Variants in WWOX observed in about 807,000 individuals in gnomAD.
WWOX encodes the protein WW domain-containing oxidoreductase.
Under a neutral mutation model 46.2 loss-of-function variants are expected in WWOX, and 69 were observed. That is an observed-to-expected ratio of 1.49 (90% CI 1.23 to 1.82). The LOEUF is 1.82. WWOX is among the 40% of genes most tolerant of loss of function. The pLI is 0.00. For synonymous variants in WWOX, 359 were observed against 202.6 expected (o/e 1.77, Z -6.56); for missense variants, 919 against 542.6 (o/e 1.69, Z -6.89).
At chr16:78,509,449 AAATAAT>A (rs1262981688) in intron 8 of WWOX, among the ~76,000 whole-genome samples, 1 of 151,812 alleles carries the variant, frequency 6.6e-6, no homozygotes, top group Non-Finnish European at 1.5e-5. Context: ...AAAAAAAAAA[AAATAAT>A]ATAATAATAA....
chr16:78,142,805 A>G lies in WWOX; in HGVS notation c.410-21378A>G, dbSNP rs375702260. On this transcript the variant is annotated intron_variant, in intron 4 of 8. Coordinates refer to ENST00000566780, the MANE Select transcript of WWOX (RefSeq NM_016373.4). ...ATTTAAACAAGATAGAGTTTTTGCTATGTTGAAGGAATATTTTTAGCTTAG... is the reference window on the plus strand; with the variant it reads ...ATTTAAACAAGATAGAGTTTTTGCTGTGTTGAAGGAATATTTTTAGCTTAG... 3.2e-4 allele frequency among the ~76,000 whole-genome samples: 48 copies of G among 152,318 alleles called. 1 individual carries two copies. The South Asian group carries it at 9.9e-3, about 32-fold the overall frequency.
At chr16:78,869,335 G>C (rs529048187) in intron 8 of WWOX, among the ~76,000 whole-genome samples, 1 of 152,242 alleles carries the variant, frequency 6.6e-6, no homozygotes, top group Admixed American at 6.5e-5. Context: ...CAGTCAGAAA[G>C]TGCCTACTTT....
intron 6 of WWOX, among the ~76,000 whole-genome samples, chr16:78,388,554 G>C (rs2082107710): frequency 6.7e-6 from 1 of 149,192 alleles, no homozygotes; most frequent in Non-Finnish European, 1.5e-5. Flanking sequence ...GGCTGAGGCA[G>C]GAAAATCGCT....
intron 8 of WWOX, among the ~76,000 whole-genome samples, chr16:78,586,252 A>G (rs2045204365): frequency 6.6e-6 from 1 of 152,192 alleles, no homozygotes; most frequent in Non-Finnish European, 1.5e-5. Flanking sequence ...AGCCAAGATC[A>G]TGCCACTGCA....
intron 8 of WWOX, among the ~76,000 whole-genome samples, chr16:78,681,391 G>A (rs1012844152): frequency 6.6e-6 from 1 of 152,134 alleles, no homozygotes; most frequent in Admixed American, 6.6e-5. Context: ...GTGACAGAGC[G>A]AGACTCTGTC....
intron 8 of WWOX, among the ~76,000 whole-genome samples, chr16:79,145,069 T>A (rs1041737522): frequency 1.3e-5 from 2 of 152,188 alleles, no homozygotes; most frequent in African/African-American, 4.8e-5. Context: ...GTTCTTGGAT[T>A]TTGTTGAATG....
intron 8 of WWOX, among the ~76,000 whole-genome samples, chr16:78,658,184 G>T (rs1393438667): frequency 1.3e-5 from 2 of 152,040 alleles, no homozygotes; most frequent in African/African-American, 4.8e-5. Context: ...AGATACCCCT[G>T]GGGAACAAAA....
At chr16:78,222,781 G>A (rs1371318609) in intron 5 of WWOX, among the ~76,000 whole-genome samples, 1 of 152,222 alleles carries the variant, frequency 6.6e-6, no homozygotes, top group Non-Finnish European at 1.5e-5. Flanking sequence ...GACAAATGTA[G>A]TGACATCTAT....
intron 5 of WWOX, among the ~76,000 whole-genome samples, chr16:78,187,928 G>C (rs1597327811): frequency 6.6e-6 from 1 of 152,160 alleles, no homozygotes; most frequent in South Asian, 2.1e-4. Context: ...CAGGCATTAA[G>C]ACCTAGTAAG....
chr16:78,634,956 A>G (rs1468790964), intron 8 of WWOX, among the ~76,000 whole-genome samples: 3 of 151,944 alleles, frequency 2.0e-5, no homozygotes, highest in Non-Finnish European at 4.4e-5. Flanking sequence ...GAAAGGGTCC[A>G]GAGCAGTAAA....
At chr16:78,628,644 G>C (rs912087554) in intron 8 of WWOX, among the ~76,000 whole-genome samples, 1 of 151,456 alleles carries the variant, frequency 6.6e-6, no homozygotes, top group East Asian at 1.9e-4. Context: ...AGCTCTCTTT[G>C]TCTGGAACTT....
chr16:78,937,154 A>T (rs1597175715), intron 8 of WWOX, among the ~76,000 whole-genome samples: 1 of 152,320 alleles, frequency 6.6e-6, no homozygotes, highest in Admixed American at 6.5e-5. Flanking sequence ...TGATATATCA[A>T]ATTTCCATCA....
chr16:79,018,442 A>T (rs1254547760), intron 8 of WWOX, among the ~76,000 whole-genome samples: 1 of 151,704 alleles, frequency 6.6e-6, no homozygotes, highest in Non-Finnish European at 1.5e-5. Flanking sequence ...CGGATTATTG[A>T]CCTCTGTGCC....
At chr16:78,125,825 A>G (rs80065746) in intron 4 of WWOX, among the ~76,000 whole-genome samples, 1,839 of 152,348 alleles carry the variant, frequency 0.012, 40 homozygotes, top group African/African-American at 0.042. Flanking sequence ...GCGCCTGTAT[A>G]TGCCAGGTGT....
chr16:78,684,972 C>A (rs955244647), intron 8 of WWOX, among the ~76,000 whole-genome samples: 1 of 152,166 alleles, frequency 6.6e-6, no homozygotes, highest in Non-Finnish European at 1.5e-5. Flanking sequence ...TCGTGGGCCT[C>A]TTTGGGGAGT....
chr16:78,649,869 A>G (rs1365828873), intron 8 of WWOX, among the ~76,000 whole-genome samples: 1 of 152,178 alleles, frequency 6.6e-6, no homozygotes, highest in Non-Finnish European at 1.5e-5. Context: ...TCTTCCACAT[A>G]TGGTATAAGG....
intron 8 of WWOX, among the ~76,000 whole-genome samples, chr16:78,486,931 A>T (rs868236412): frequency 7.9e-5 from 12 of 152,166 alleles, no homozygotes; most frequent in Admixed American, 3.9e-4. Flanking sequence ...TCTATTCCTA[A>T]TGCAGGCTCA....
At chr16:79,090,366 T>G (rs2048935484) in intron 8 of WWOX, among the ~76,000 whole-genome samples, 1 of 151,908 alleles carries the variant, frequency 6.6e-6, no homozygotes, top group South Asian at 2.1e-4. Context: ...AGTATATAGT[T>G]ATATATTTCA....
chr16:78,317,930 G>A (rs1392998717), intron 5 of WWOX, among the ~76,000 whole-genome samples: 2 of 152,146 alleles, frequency 1.3e-5, no homozygotes, highest in Non-Finnish European at 2.9e-5. Flanking sequence ...CACTGGCTTT[G>A]CGAATTTCTT....
Sources: gnomAD v4.1 joint callset for allele counts (sites outside exome capture counted in the v4.1 genomes callset) on GRCh38, gnomAD v4.1.1 for gene constraint, MANE v1.5 for transcripts, NCBI Gene and HGNC (gene_info 2026-07-23, HGNC 2026-07-21) for gene names.